POLR3G: variants seen among roughly 807,000 people sequenced by gnomAD.
POLR3G encodes the protein RNA polymerase III subunit G, also known as DNA-directed RNA polymerase III subunit RPC7.
POLR3G carries 28 observed loss-of-function variants against 30.1 expected under a neutral mutation model. The ratio of observed to expected loss-of-function variants is 0.93; its 90% CI spans 0.69 to 1.27. The LOEUF (loss-of-function observed/expected upper bound fraction) is 1.27. Ranked by LOEUF, POLR3G falls within the 50% of genes most tolerant of loss-of-function variation. The pLI is 0.00. For synonymous variants in POLR3G, 79 were observed against 82.5 expected, an observed-to-expected ratio of 0.96 and a Z score of 0.23; for missense variants, 254 against 264.6, an observed-to-expected ratio of 0.96 and a Z score of 0.28.
chr5:90,499,457 G>T (rs986736739), intron 5 of POLR3G, among the ~76,000 whole-genome samples: 1 of 152,330 alleles, frequency 6.6e-6, no homozygotes, highest in East Asian at 1.9e-4. Flanking sequence ...TTTTTGACAT[G>T]TTGGTTATTG....
rs1170533478 is a variant in POLR3G, at chr5:90,512,237, T to G, written c.*98T>G. 1 of 789,492 alleles carries G rather than the reference T, an allele frequency of 1.3e-6. No individual in the cohort carries two copies. Among genetic ancestry groups the G allele is most frequent in the African/African-American group, 1.7e-5 (1 of 57,388 alleles). The allele number at this position is 789,492 out of a possible 1,614,324, so 48.9% of individuals were successfully genotyped here. On this transcript the variant is annotated 3_prime_UTR_variant, in exon 8 of 8. Transcript: ENST00000651687. ...TTTCTGATAAGGAATAAGTACTTGT[T>G]TCTGTTGTTTTGGACAAATAGTTGT...
At chr5:90,495,977 T>A (rs1751965282) in intron 4 of POLR3G, among the ~76,000 whole-genome samples, 1 of 151,634 alleles carries the variant, frequency 6.6e-6, no homozygotes, top group Non-Finnish European at 1.5e-5. Flanking sequence ...TATTTTATTT[T>A]ATTTATTTTT....
chr5:90,513,907 C>T lies in POLR3G; in HGVS notation c.*1768C>T, dbSNP rs1486321625. 2.0e-5 allele frequency: 3 copies of T among 152,148 alleles called. No homozygotes were observed. The highest frequency in any genetic ancestry group is 2.9e-5 in the Non-Finnish European group (2 of 68,018). The allele number at this position is 152,148 out of a possible 1,614,324, so 9.4% of individuals were successfully genotyped here. A position where few individuals can be genotyped will look rare whatever the true frequency, so the allele number is the denominator to read the frequency against. ...AACTCCTTAGTACCAGAGCCAAATA[C>T]AATTTAGTTTTCAGAAATCTTATCA... On this transcript the variant is annotated 3_prime_UTR_variant, in exon 8 of 8. Transcript: ENST00000651687.
At position 90,495,705 on chromosome 5, in the gene POLR3G, G is replaced by T; in HGVS notation, c.276G>T (p.Met92Ile). 1 of 1,598,576 alleles carries T rather than the reference G, an allele frequency of 6.3e-7. No homozygotes were observed. The highest frequency in any genetic ancestry group is 2.3e-5 in the East Asian group (1 of 44,042). The change falls in exon 4 of 8, where the codon ATG becomes ATT. Residue 92 changes from methionine (M) to isoleucine (I), a missense_variant. By Grantham distance (10) the Met-to-Ile change is conservative. Coordinates refer to ENST00000651687, the MANE Select transcript of POLR3G (RefSeq NM_006467.3). ...TTGAAAGGTATAGTAAAAGATACATGAAGGTATACAAGGAAGAATGGATAC... is the reference window on the plus strand; with the variant it reads ...TTGAAAGGTATAGTAAAAGATACATTAAGGTATACAAGGAAGAATGGATAC... Reference protein sequence around the residue: ...QDIERYSKRYMKVYKEEWIPD... With the variant: ...QDIERYSKRYIKVYKEEWIPD...
chr5:90,510,830 C>T (rs533686037), intron 7 of POLR3G, among the ~76,000 whole-genome samples: 1 of 148,398 alleles, frequency 6.7e-6, no homozygotes, highest in Admixed American at 6.7e-5. Context: ...ACCTTTCTTG[C>T]ATTATGTAAA....
intron 6 of POLR3G, among the ~76,000 whole-genome samples, chr5:90,504,435 G>A (rs944100453): frequency 1.1e-4 from 17 of 151,840 alleles, no homozygotes; most frequent in Admixed American, 7.2e-4. Context: ...GGTAGCAGGC[G>A]CCTGTAGTCC....
intron 7 of POLR3G, among the ~76,000 whole-genome samples, chr5:90,510,909 A>G (rs1433658191): frequency 6.6e-6 from 1 of 152,026 alleles, no homozygotes; most frequent in Non-Finnish European, 1.5e-5. Flanking sequence ...AGTAAAATTG[A>G]TAGGAGACTT....
intron 4 of POLR3G, among the ~76,000 whole-genome samples, chr5:90,496,128 T>C (rs776465969): frequency 4.8e-4 from 73 of 151,844 alleles, no homozygotes; most frequent in East Asian, 1.4e-3. Context: ...CCCGCCACCA[T>C]GCCCAGCTAA....
At chr5:90,511,934 C>A in intron 7 of POLR3G, 119 bp from the exon 8 acceptor site, 2 of 681,094 alleles carry the variant, frequency 2.9e-6, no homozygotes, top group Non-Finnish European at 5.2e-6. Context: ...CACAGGTAAA[C>A]ACAAGTGAAA....
chr5:90,481,953 T>C (rs538382598), intron 1 of POLR3G, among the ~76,000 whole-genome samples: 1 of 152,326 alleles, frequency 6.6e-6, no homozygotes, highest in East Asian at 1.9e-4. Flanking sequence ...ACAATAGTCA[T>C]ATACGGATAA....
intron 2 of POLR3G, among the ~76,000 whole-genome samples, chr5:90,486,596 A>G (rs2151903445): frequency 6.6e-6 from 1 of 152,204 alleles, no homozygotes; most frequent in East Asian, 1.9e-4. Flanking sequence ...CTCTGCTGGA[A>G]CCATCTCTTC....
intron 3 of POLR3G, among the ~76,000 whole-genome samples, chr5:90,492,625 G>A (rs1017631995): frequency 6.6e-6 from 1 of 152,122 alleles, no homozygotes; most frequent in East Asian, 1.9e-4. Context: ...GCTCACCCCT[G>A]TAATCCCAGC....
In POLR3G at chr5:90,497,714, G is replaced by A. The variant is rs1462936508; in HGVS notation, c.355+8G>A. Reference sequence around the variant, plus strand: ...GAAATAAATGTAAAAAAGGTACATTGACTAATATAATAGTAATTCAGGTAG... The same window carrying A: ...GAAATAAATGTAAAAAAGGTACATTAACTAATATAATAGTAATTCAGGTAG... On this transcript the variant is annotated splice_region_variant and intron_variant, in intron 5 of 7. Coordinates refer to ENST00000651687, the MANE Select transcript of POLR3G (RefSeq NM_006467.3). 2.5e-6 allele frequency: 4 copies of A among 1,601,910 alleles called. No homozygotes were observed. The highest frequency in any genetic ancestry group is 1.1e-5 in the South Asian group (1 of 88,974).
At chr5:90,492,592 T>A (rs1561252477) in intron 3 of POLR3G, among the ~76,000 whole-genome samples, 1 of 152,134 alleles carries the variant, frequency 6.6e-6, no homozygotes, top group Non-Finnish European at 1.5e-5. Flanking sequence ...AATAGAAGTA[T>A]GAGACATCAG....
chr5:90,485,013 T>C (rs1369511242), intron 1 of POLR3G, among the ~76,000 whole-genome samples: 1 of 152,208 alleles, frequency 6.6e-6, no homozygotes, highest in Non-Finnish European at 1.5e-5. Flanking sequence ...CTCTGAATTT[T>C]TTTTTTCTTG....
intron 4 of POLR3G, among the ~76,000 whole-genome samples, chr5:90,496,775 T>C (rs535222232): frequency 2.0e-5 from 3 of 152,298 alleles, no homozygotes; most frequent in African/African-American, 7.2e-5. Flanking sequence ...GCCTTATCAT[T>C]TTCACAGATT....
At chr5:90,495,180 A>G (rs6452887) in intron 3 of POLR3G, among the ~76,000 whole-genome samples, 15,848 of 152,196 alleles carry the variant, frequency 0.1, 863 homozygotes, top group Admixed American at 0.12. Context: ...ATCAGTATAT[A>G]TTTGGTCCTT....
At chr5:90,494,766 CTGTTA>C (rs2151908655) in intron 3 of POLR3G, among the ~76,000 whole-genome samples, 1 of 151,988 alleles carries the variant, frequency 6.6e-6, no homozygotes, top group African/African-American at 2.4e-5. Flanking sequence ...GTTCTTTTAT[CTGTTA>C]TCTTTTTTAT....
Position 90,506,684 on chromosome 5 carries a change from C to A in POLR3G, c.585+10C>A. On this transcript the variant is annotated intron_variant, in intron 7 of 7. Coordinates refer to ENST00000651687, the MANE Select transcript of POLR3G (RefSeq NM_006467.3). ...AGAAGAGCAAGAAGAGGTAATGGTT[C>A]ATTTGGGGATGGTAGCAAAATTAAT... 6.3e-7 allele frequency: 1 copy of A among 1,588,718 alleles called. No homozygotes were observed. The highest frequency in any genetic ancestry group is 8.6e-7 in the Non-Finnish European group (1 of 1,167,772).
Sources: allele counts gnomAD v4.1 joint callset (sites outside exome capture counted in the v4.1 genomes callset), GRCh38; gene constraint gnomAD v4.1.1; transcripts MANE v1.5; gene names NCBI Gene and HGNC (gene_info 2026-07-23, HGNC 2026-07-21).